Variants in PLCB4 observed in about 807,000 individuals in gnomAD.
PLCB4 encodes the protein phospholipase C beta 4, also known as 1-phosphatidylinositol 4,5-bisphosphate phosphodiesterase beta-4.
PLCB4 carries 77 observed loss-of-function variants against 178.8 expected under a neutral mutation model. The ratio of observed to expected loss-of-function variants is 0.43; its 90% CI spans 0.36 to 0.52. The LOEUF is 0.52. PLCB4 is among the 20% of genes least tolerant of loss of function. The probability of loss-of-function intolerance (pLI) is 0.00; values close to 1 mark genes in which losing one functional copy is unlikely to be tolerated. For missense variants in PLCB4, 1,024 were observed against 1,453.4 expected (o/e 0.70, Z 4.80); for synonymous variants, 496 against 490.8 (o/e 1.01, Z -0.14).
At chr20:9,287,780 G>A (rs1388460217) in intron 3 of PLCB4, among the ~76,000 whole-genome samples, 2 of 151,984 alleles carry the variant, frequency 1.3e-5, no homozygotes, top group Admixed American at 6.6e-5. Context: ...AGAAGAGATG[G>A]GAACTTTCTT....
chr20:9,423,982 A>G (rs1449710749), intron 28 of PLCB4, 30 bp downstream of exon 28: 7 of 1,326,982 alleles, frequency 5.3e-6, no homozygotes, highest in Non-Finnish European at 7.6e-6. Flanking sequence ...ACGGAATATG[A>G]TATAGATGAG....
intron 33 of PLCB4, among the ~76,000 whole-genome samples, chr20:9,456,875 A>G (rs984299364): frequency 3.3e-5 from 5 of 152,242 alleles, no homozygotes; most frequent in African/African-American, 9.6e-5. Flanking sequence ...AAAGGAAGAC[A>G]TAATCACTGA....
chr20:9,433,538 G>T (rs886392127), intron 28 of PLCB4, among the ~76,000 whole-genome samples: 6 of 152,108 alleles, frequency 3.9e-5, no homozygotes, highest in Non-Finnish European at 8.8e-5. Context: ...CTGATATATG[G>T]AATTCACCTT....
intron 3 of PLCB4, among the ~76,000 whole-genome samples, chr20:9,248,583 G>A (rs1281146433): frequency 6.6e-6 from 1 of 152,180 alleles, no homozygotes; most frequent in African/African-American, 2.4e-5. Flanking sequence ...GATTAACTTA[G>A]TAAAAATTAC....
intron 4 of PLCB4, among the ~76,000 whole-genome samples, chr20:9,315,907 C>T (rs1406063666): frequency 1.3e-5 from 2 of 151,884 alleles, no homozygotes; most frequent in Non-Finnish European, 2.9e-5. Flanking sequence ...CACTCCAGCA[C>T]TCCAGCCTGG....
chr20:9,069,851 T>C (rs935916590), intron 1 of PLCB4, among the ~76,000 whole-genome samples: 1 of 152,214 alleles, frequency 6.6e-6, no homozygotes, highest in Admixed American at 6.5e-5. Flanking sequence ...ATCATAAAAC[T>C]AGCATTTTCC....
chr20:9,350,939 A>G (rs1366815981), intron 7 of PLCB4, among the ~76,000 whole-genome samples: 4 of 152,198 alleles, frequency 2.6e-5, no homozygotes, highest in Admixed American at 2.6e-4. Context: ...ACACTGTGTG[A>G]TGTTAATGTA....
chr20:9,155,179 C>T, intron 2 of PLCB4, among the ~76,000 whole-genome samples: 1 of 150,890 alleles, frequency 6.6e-6, no homozygotes, highest in Non-Finnish European at 1.5e-5. Flanking sequence ...TTAGCTCCCT[C>T]TTATAAGTGA....
At chr20:9,272,291 T>G (rs917832307) in intron 3 of PLCB4, among the ~76,000 whole-genome samples, 1 of 152,134 alleles carries the variant, frequency 6.6e-6, no homozygotes, top group African/African-American at 2.4e-5. Flanking sequence ...AGGTTCGCTG[T>G]ATCACTTGAA....
At chr20:9,296,791 A>G (rs752696088) in intron 3 of PLCB4, among the ~76,000 whole-genome samples, 35 of 151,918 alleles carry the variant, frequency 2.3e-4, no homozygotes, top group Non-Finnish European at 4.0e-4. Context: ...TCTCACTTAT[A>G]GGTGGGAATT....
Position 9,411,229 on chromosome 20 carries a change from A to ACAT in PLCB4, c.2051+141_2051+142insCAT, listed in dbSNP as rs566723908. 105 of 623,118 alleles carry ACAT rather than the reference A, an allele frequency of 1.7e-4. No individual in the cohort carries two copies. The East Asian group carries it at 2.8e-3, about 17-fold the overall frequency. The allele number at this position is 623,118 out of a possible 1,614,324, so 38.6% of individuals were successfully genotyped here. On this transcript the variant is annotated intron_variant, in intron 25 of 39. Transcript: ENST00000378473. ...TGGAATAGAAAGAAATGAAATACCTAGAGAATATTTGCACATATACATTCT... is the reference window on the plus strand; with the variant it reads ...TGGAATAGAAAGAAATGAAATACCTACATGAGAATATTTGCACATATACATTCT...
chr20:9,246,053 A>T (rs1211376796), intron 3 of PLCB4, among the ~76,000 whole-genome samples: 4 of 152,188 alleles, frequency 2.6e-5, no homozygotes. Context: ...AACAATCTAC[A>T]TATACCATAA....
chr20:9,371,261 A>C lies in PLCB4; in HGVS notation c.551A>C (p.Gln184Pro). The C allele has an allele frequency of 6.2e-7, 1 of 1,609,750 alleles. No homozygotes were observed. Among genetic ancestry groups the C allele is most frequent in the Non-Finnish European group, 8.5e-7 (1 of 1,176,030 alleles). Reference sequence around the variant, plus strand: ...GGAAAAACAGAAAAGGTGATCTTTCAAGCACTCAAGGAGTTAGGTCTTCCC... The same window carrying C: ...GGAAAAACAGAAAAGGTGATCTTTCCAGCACTCAAGGAGTTAGGTCTTCCC... ...ASGKTEKVIF[Q>P]ALKELGLPSG... The change falls in exon 10 of 40, where the codon CAA becomes CCA. Residue 184 changes from glutamine (Q) to proline (P), a missense_variant. Coordinates refer to ENST00000378473, the MANE Select transcript of PLCB4 (RefSeq NM_001377142.1).
chr20:9,467,961 T>C (rs574875007), intron 35 of PLCB4, among the ~76,000 whole-genome samples: 1 of 152,344 alleles, frequency 6.6e-6, no homozygotes, highest in South Asian at 2.1e-4. Context: ...CAGTGGTTGG[T>C]CACCTGCAAA....
chr20:9,149,513 C>T (rs1055295714), intron 2 of PLCB4, among the ~76,000 whole-genome samples: 7 of 152,212 alleles, frequency 4.6e-5, no homozygotes, highest in African/African-American at 1.7e-4. Context: ...TTACTTCCCT[C>T]CTGATTTGCT....
At chr20:9,400,092 CTTG>C (rs1025757435) in intron 19 of PLCB4, among the ~76,000 whole-genome samples, 6 of 152,174 alleles carry the variant, frequency 3.9e-5, no homozygotes, top group South Asian at 4.1e-4. Context: ...CAATTACCCA[CTTG>C]TTGTTGTTGT....
intron 2 of PLCB4, among the ~76,000 whole-genome samples, chr20:9,126,972 A>G (rs1415886032): frequency 2.0e-5 from 3 of 152,152 alleles, no homozygotes; most frequent in African/African-American, 4.8e-5. Context: ...CTGTAATACT[A>G]ACAGTCATAA....
chr20:9,224,489 T>C (rs1445627687), intron 3 of PLCB4, among the ~76,000 whole-genome samples: 1 of 152,202 alleles, frequency 6.6e-6, no homozygotes, highest in East Asian at 1.9e-4. Flanking sequence ...CCTCTCATTT[T>C]TTAATTTGTG....
chr20:9,278,117 A>G (rs1001455152), intron 3 of PLCB4, among the ~76,000 whole-genome samples: 24 of 152,046 alleles, frequency 1.6e-4, no homozygotes, highest in Non-Finnish European at 1.5e-4. Flanking sequence ...CAGAGCAAAC[A>G]GAATTCCAGT....
Sources: allele counts gnomAD v4.1 joint callset (sites outside exome capture counted in the v4.1 genomes callset), GRCh38; gene constraint gnomAD v4.1.1; transcripts MANE v1.5; gene names NCBI Gene and HGNC (gene_info 2026-07-23, HGNC 2026-07-21).